Variants in SF1 observed in about 807,000 individuals in gnomAD.
The protein encoded by SF1 is splicing factor 1, also known as branch point-binding protein.
In SF1, 7 loss-of-function variants were observed where a neutral mutation model predicts 62.5. The observed-to-expected ratio is 0.11, with a 90% CI of 0.06 to 0.21. The LOEUF is 0.21. SF1 is among the 10% of genes least tolerant of loss of function. The pLI is 1.00. For synonymous variants in SF1, 394 were observed against 323.6 expected, an observed-to-expected ratio of 1.22 and a Z score of -2.33; for missense variants, 578 against 884.0, an observed-to-expected ratio of 0.65 and a Z score of 4.39.
Position 64,765,592 on chromosome 11 carries a change from C to G in SF1, c.*226G>C. ...AAGAAGACAAAGAAGACACTCGATG[C>G]TACGGGGCGCCAGGAGAGCCCAAGC... On this transcript the variant is annotated 3_prime_UTR_variant, in exon 13 of 13. Coordinates refer to ENST00000377390, the MANE Select transcript of SF1 (RefSeq NM_004630.4). 6.6e-7 allele frequency: 1 copy of G among 1,522,360 alleles called. No homozygotes were observed. The highest frequency in any genetic ancestry group is 8.8e-7 in the Non-Finnish European group (1 of 1,142,158). 94.3% of individuals were successfully genotyped at this position (1,522,360 alleles called of 1,614,324 possible).
At position 64,778,402 on chromosome 11, in the gene SF1, G is replaced by T; in HGVS notation, c.-10C>A. The T allele has an allele frequency of 8.1e-7, 1 of 1,227,550 alleles. No homozygotes were observed. The highest frequency in any genetic ancestry group is 3.2e-5 in the East Asian group (1 of 31,096). 76.0% of individuals were successfully genotyped at this position (1,227,550 alleles called of 1,614,324 possible). A position where few individuals can be genotyped will look rare whatever the true frequency, so the allele number is the denominator to read the frequency against. ...TCGCTCCGGTCGCCATGGCGCCCCC[G>T]GGGACAGGCACCGGCACCTGCTTTT... On this transcript the variant is annotated 5_prime_UTR_variant, in exon 1 of 13. Transcript: ENST00000377390.
intron 5 of SF1, 80 bp downstream of exon 5, chr11:64,769,884 A>G (rs989704876): frequency 9.3e-7 from 1 of 1,079,356 alleles, no homozygotes; most frequent in African/African-American, 1.6e-5. Context: ...GTAAGCCAAC[A>G]GTCCCCAATT....
At chr11:64,772,235 T>A (rs546549072) in intron 3 of SF1, 2 of 985,190 alleles carry the variant, frequency 2.0e-6, no homozygotes, top group Non-Finnish European at 2.4e-6. Context: ...TTTGGAGGAA[T>A]TGACTGGTGA....
chr11:64,765,530 G>A lies in SF1; in HGVS notation c.*288C>T, dbSNP rs748500343. 1.2e-4 allele frequency: 194 copies of A among 1,604,836 alleles called. No individual in the cohort carries two copies. Among genetic ancestry groups the A allele is most frequent in the Non-Finnish European group, 1.5e-4 (182 of 1,176,870 alleles). The stretch of plus-strand genomic sequence containing the variant: ...CGCGGGGAGGGATCCTGGCGGCCCG[G>A]TTTGGGGAGAGGCAAAGGGAGTTGG... On this transcript the variant is annotated 3_prime_UTR_variant, in exon 13 of 13. Transcript: ENST00000377390.
At chr11:64,772,574 T>C in intron 3 of SF1, 1 of 985,310 alleles carries the variant, frequency 1.0e-6, no homozygotes, top group Non-Finnish European at 1.2e-6. Flanking sequence ...CACTACTTTT[T>C]AAAGCAAAGT....
intron 7 of SF1, 24 bp downstream of exon 7, chr11:64,769,199 C>T (rs773008469): frequency 6.8e-6 from 11 of 1,611,398 alleles, no homozygotes; most frequent in South Asian, 4.4e-5. Flanking sequence ...GGTCTCTACA[C>T]TCTCCTTTAA....
chr11:64,776,408 T>C, intron 2 of SF1, 90 bp downstream of exon 2: 1 of 1,401,456 alleles, frequency 7.1e-7, no homozygotes, highest in South Asian at 1.2e-5. Context: ...AAAAGATAAC[T>C]ACAATCTCAA....
chr11:64,770,041 T>C lies in SF1; in HGVS notation c.402A>G (p.Thr134=). The change falls in exon 5 of 13, where the codon ACA becomes ACG. Residue 134 remains threonine, a synonymous_variant. Transcript: ENST00000377390. ...GAATCATGACTTTATCACTCACACG[T>C]GTTGCTGGAGGTCTAAGAAAGAAAA... ...KPPADYKPPA[T]RVSDKVMIPQ... is the part of the protein sequence containing the mutation. 6.2e-7 allele frequency: 1 copy of C among 1,613,738 alleles called. No homozygotes were observed. The highest frequency in any genetic ancestry group is 2.2e-5 in the East Asian group (1 of 44,884).
chr11:64,772,623 T>G (rs1378322968), intron 3 of SF1: 17 of 984,532 alleles, frequency 1.7e-5, no homozygotes, highest in Non-Finnish European at 1.9e-5. Context: ...GAAAATTCAG[T>G]GAGAGGGAGA....
intron 4 of SF1, 58 bp downstream of exon 4, chr11:64,770,198 C>G (rs936779325): frequency 1.3e-6 from 2 of 1,589,740 alleles, no homozygotes; most frequent in Non-Finnish European, 1.7e-6. Context: ...CCCATCCCAG[C>G]AGGTCACCCA....
chr11:64,771,525 C>T, intron 3 of SF1: 1 of 985,424 alleles, frequency 1.0e-6, no homozygotes, highest in South Asian at 4.7e-5. Context: ...CGGCTGCTCC[C>T]ACTGTCTTCA....
At chr11:64,769,780 T>G in intron 5 of SF1, 171 bp from the exon 6 acceptor site, 4 of 748,208 alleles carry the variant, frequency 5.3e-6, no homozygotes, top group South Asian at 1.8e-5. Flanking sequence ...ACCTGAGGAT[T>G]TGACTTCTCC....
chr11:64,767,679 GATGTCCACC>G lies in SF1; in HGVS notation c.1225_1233del (p.Gly409_His411del). 2 of 1,610,128 alleles carry G rather than the reference GATGTCCACC, an allele frequency of 1.2e-6. No homozygotes were observed. The highest frequency in any genetic ancestry group is 1.1e-5 in the South Asian group (1 of 90,808). On this transcript the variant is annotated inframe_deletion, in exon 10 of 13. Coordinates refer to ENST00000377390, the MANE Select transcript of SF1 (RefSeq NM_004630.4). ...GGTCCATTGGGGTTGTGCTGCATGG[GATGTCCACC>G]ATGCCCACCTGTCAGGCTGGGTAAT...
At chr11:64,772,693 C>A in intron 3 of SF1, 1 of 985,258 alleles carries the variant, frequency 1.0e-6, no homozygotes, top group Non-Finnish European at 1.2e-6. Flanking sequence ...TAATAAAATT[C>A]CAGTTTAAAA....
Position 64,769,015 on chromosome 11 carries a change from C to T in SF1, c.887+7G>A, listed in dbSNP as rs753869972. On this transcript the variant is annotated splice_region_variant and intron_variant, in intron 8 of 12. Coordinates refer to ENST00000377390, the MANE Select transcript of SF1 (RefSeq NM_004630.4). ...CTACCAGGAAACCGCAAGAGCCAGC[C>T]CCTCACCTTTGGAATTTACAGTCTG... The T allele has an allele frequency of 1.3e-6, 2 of 1,598,680 alleles. No homozygotes were observed. Among genetic ancestry groups the T allele is most frequent in the East Asian group, 4.5e-5 (2 of 44,788 alleles).
intron 1 of SF1, among the ~76,000 whole-genome samples, chr11:64,777,309 A>G (rs139425201): frequency 1.3e-5 from 2 of 152,256 alleles, no homozygotes; most frequent in African/African-American, 2.4e-5. Context: ...ATTTGCCACA[A>G]AAGAGTCCTT....
rs892933074 is a variant in SF1, at chr11:64,765,155, T to C, written c.*663A>G. 1.3e-5 allele frequency: 4 copies of C among 299,556 alleles called. No homozygotes were observed. The East Asian group carries it at 2.2e-4, about 17-fold the overall frequency. 18.6% of individuals were successfully genotyped at this position (299,556 alleles called of 1,614,324 possible). A position where few individuals can be genotyped will look rare whatever the true frequency, so the allele number is the denominator to read the frequency against. On this transcript the variant is annotated 3_prime_UTR_variant, in exon 13 of 13. Coordinates refer to ENST00000377390, the MANE Select transcript of SF1 (RefSeq NM_004630.4). ...TGAAAAACCCACAACCAGCTTGACA[T>C]GAATGGCCAAAGCCCTTGCCCAAAA...
rs148824704 is a variant in SF1, at chr11:64,769,744, CTCTAT to C, written c.480-140_480-136del. ...ATTTTCCCACCAAGAGCTCCATGAA[CTCTAT>C]ATTATGGTCAGCCACAGTAAACCTG... On this transcript the variant is annotated intron_variant, in intron 5 of 12. Coordinates refer to ENST00000377390, the MANE Select transcript of SF1 (RefSeq NM_004630.4). The C allele has an allele frequency of 0.018, 15,594 of 870,132 alleles. 1,185 individuals are homozygous for C. In the East Asian group the frequency reaches 0.21, roughly 12 times the overall value. The allele number at this position is 870,132 out of a possible 1,614,324, so 53.9% of individuals were successfully genotyped here.
intron 3 of SF1, chr11:64,771,383 A>T: frequency 1.2e-6 from 1 of 831,558 alleles, no homozygotes; most frequent in Admixed American, 6.2e-5. Context: ...ATGAAAATTT[A>T]GTAGCAGCTG....
Sources: gnomAD v4.1 joint callset for allele counts (sites outside exome capture counted in the v4.1 genomes callset) on GRCh38, gnomAD v4.1.1 for gene constraint, MANE v1.5 for transcripts, NCBI Gene and HGNC (gene_info 2026-07-23, HGNC 2026-07-21) for gene names.